Variants in ELFN1 observed in about 807,000 individuals in gnomAD.
The protein encoded by ELFN1 is extracellular leucine rich repeat and fibronectin type III domain containing 1, also known as protein ELFN1.
In ELFN1, 6 loss-of-function variants were observed where a neutral mutation model predicts 7.6. That is an observed-to-expected ratio of 0.79 (90% CI 0.43 to 1.56). ELFN1 has a LOEUF of 1.56. ELFN1 is among the 40% of genes most tolerant of loss of function. The pLI is 0.01. For missense variants in ELFN1, 1,169 were observed against 1,232.2 expected (o/e 0.95, Z 0.77); for synonymous variants, 657 against 588.1 (o/e 1.12, Z -1.70).
chr7:1,719,700 C>G (rs897352564), intron 3 of ELFN1, among the ~76,000 whole-genome samples: 4 of 152,228 alleles, frequency 2.6e-5, no homozygotes, highest in African/African-American at 9.6e-5. Flanking sequence ...ACAACAGGGC[C>G]CAGAGGAATC....
chr7:1,724,141 G>T (rs1780109168), intron 3 of ELFN1, among the ~76,000 whole-genome samples: 2 of 152,210 alleles, frequency 1.3e-5, no homozygotes, highest in Non-Finnish European at 2.9e-5. Flanking sequence ...ACGTCACAGG[G>T]TTACCATAAG....
intron 3 of ELFN1, among the ~76,000 whole-genome samples, chr7:1,737,100 C>G (rs1433171918): frequency 2.0e-5 from 3 of 152,086 alleles, no homozygotes; most frequent in African/African-American, 7.2e-5. Context: ...CTTCATGGCT[C>G]GAACACACCC....
At chr7:1,671,094 C>T (rs1159392505) in intron 1 of ELFN1, among the ~76,000 whole-genome samples, 3 of 152,050 alleles carry the variant, frequency 2.0e-5, no homozygotes, top group Non-Finnish European at 4.4e-5. Flanking sequence ...CCCCCATTTC[C>T]ATCCTTTGAA....
At chr7:1,729,180 G>T (rs923239434) in intron 3 of ELFN1, among the ~76,000 whole-genome samples, 1 of 152,238 alleles carries the variant, frequency 6.6e-6, no homozygotes, top group Non-Finnish European at 1.5e-5. Flanking sequence ...TAGAGCCAGA[G>T]CTTGGCCCCC....
At chr7:1,738,051 G>A (rs932994414) in intron 3 of ELFN1, among the ~76,000 whole-genome samples, 4 of 152,210 alleles carry the variant, frequency 2.6e-5, no homozygotes, top group Admixed American at 6.5e-5. Context: ...GTCCCCGTGC[G>A]ACAAGCAGAC....
chr7:1,693,029 A>G (rs57180888), intron 2 of ELFN1: 3,275 of 280,726 alleles, frequency 0.012, 118 homozygotes, highest in African/African-American at 0.066. Context: ...TGTCTGTAAA[A>G]TGGGCGCAGG....
At chr7:1,706,335 T>C (rs929428550) in intron 2 of ELFN1, among the ~76,000 whole-genome samples, 3 of 152,038 alleles carry the variant, frequency 2.0e-5, no homozygotes, top group Non-Finnish European at 2.9e-5. Flanking sequence ...AGGCAGAGAA[T>C]TGCTTGAACC....
chr7:1,741,827 C>A (rs532667723), intron 3 of ELFN1, among the ~76,000 whole-genome samples: 1 of 152,216 alleles, frequency 6.6e-6, no homozygotes, highest in Admixed American at 6.5e-5. Context: ...CAGCCCCAGA[C>A]GCACCAGAGC....
chr7:1,670,409 C>T lies in ELFN1; in HGVS notation c.-549+55C>T, dbSNP rs1020649562. Among the ~76,000 whole-genome samples the T allele has an allele frequency of 6.6e-6, 1 of 151,724 alleles. No homozygotes were observed. The highest frequency in any genetic ancestry group is 2.4e-5 in the African/African-American group (1 of 41,346). Reference sequence around the variant, plus strand: ...CCTGGGGGACTTGGGACCCGGACCACCCCCGGGGAGCGGCGCGGCCAAGCC... The same window carrying T: ...CCTGGGGGACTTGGGACCCGGACCATCCCCGGGGAGCGGCGCGGCCAAGCC... On this transcript the variant is annotated intron_variant, in intron 1 of 3. Transcript: ENST00000424383. The surrounding 1 kb of genome is among the most constrained non-coding windows in gnomAD (Gnocchi z 6.4).
Position 1,680,265 on chromosome 7 carries a change from A to G in ELFN1, c.-548-7793A>G, listed in dbSNP as rs1254679239. On this transcript the variant is annotated intron_variant, in intron 1 of 3. Coordinates refer to ENST00000424383, the MANE Select transcript of ELFN1 (RefSeq NM_001128636.4). ...GAGGAGTGCCCAAGGCAGATCACGT[A>G]GGGGAACAAATTGTGTGTTTGATTT... 2.0e-5 allele frequency among the ~76,000 whole-genome samples: 3 copies of G among 152,188 alleles called. No individual in the cohort carries two copies. The East Asian group carries it at 5.8e-4, about 29-fold the overall frequency.
intron 1 of ELFN1, among the ~76,000 whole-genome samples, chr7:1,682,872 G>A (rs1053291354): frequency 6.6e-6 from 1 of 152,156 alleles, no homozygotes; most frequent in African/African-American, 2.4e-5. Context: ...AGGTTGAGAA[G>A]TTCTCTGCCA....
chr7:1,745,890 G>A lies in ELFN1; in HGVS notation c.1294G>A (p.Val432Met), dbSNP rs961820215. 5 of 1,590,298 alleles carry A rather than the reference G, an allele frequency of 3.1e-6. No individual in the cohort carries two copies. In the African/African-American group the frequency reaches 6.7e-5, roughly 21 times the overall value. Residue 432 changes from valine to methionine, a missense_variant, in exon 4 of 4, where the codon GTG (valine) becomes ATG (methionine). Physicochemically the swap from Val to Met is conservative, Grantham distance 21. This residue lies in a region of ELFN1 where 914 missense variants were observed against 872.6 expected (regional missense o/e 1.05). Coordinates refer to ENST00000424383, the MANE Select transcript of ELFN1 (RefSeq NM_001128636.4). ...ILGCLFGMVL[V>M]LGAVYYCLRR... ...GGGCTGCCTCTTCGGCATGGTGCTG[G>A]TGCTGGGCGCCGTCTACTACTGCCT...
intron 2 of ELFN1, among the ~76,000 whole-genome samples, chr7:1,702,121 T>C (rs116563825): frequency 6.6e-6 from 1 of 152,130 alleles, no homozygotes; most frequent in Non-Finnish European, 1.5e-5. Context: ...TGTCATTATC[T>C]GATGGAAGAA....
intron 2 of ELFN1, among the ~76,000 whole-genome samples, chr7:1,701,904 T>G (rs183243734): frequency 2.3e-4 from 35 of 152,234 alleles, no homozygotes; most frequent in African/African-American, 8.2e-4. Context: ...AGCTCTGTAA[T>G]CAGCCTGGAG....
intron 3 of ELFN1, among the ~76,000 whole-genome samples, chr7:1,734,797 G>C (rs763883702): frequency 9.2e-5 from 14 of 151,988 alleles, no homozygotes; most frequent in Non-Finnish European, 2.1e-4. Context: ...TCCTGAGCCG[G>C]TGGGATCCTC....
intron 2 of ELFN1, among the ~76,000 whole-genome samples, chr7:1,688,557 G>A (rs758194686): frequency 6.6e-6 from 1 of 152,146 alleles, no homozygotes; most frequent in Non-Finnish European, 1.5e-5. Context: ...TACTAATCCA[G>A]TTGATTTTAC....
chr7:1,741,654 C>G lies in ELFN1; in HGVS notation c.-293-2650C>G, dbSNP rs185948171. Among the ~76,000 whole-genome samples, 61 of 152,278 alleles carry G rather than the reference C, an allele frequency of 4.0e-4. 3 individuals carry two copies. The East Asian group carries it at 0.011, about 28-fold the overall frequency. The stretch of plus-strand genomic sequence containing the variant: ...AAGGGGGAGAGAGTGTGGCACCCAG[C>G]CAGGCCCTGGAGATGTCAGCCACCG... On this transcript the variant is annotated intron_variant, in intron 3 of 3. Transcript: ENST00000424383.
intron 2 of ELFN1, among the ~76,000 whole-genome samples, 168 bp downstream of exon 2, chr7:1,688,318 A>G (rs1415497314): frequency 1.3e-5 from 2 of 152,102 alleles, no homozygotes; most frequent in Non-Finnish European, 2.9e-5. Flanking sequence ...ATGTATTTTA[A>G]TGAGAAGAAG....
chr7:1,678,241 A>G (rs1778909162), intron 1 of ELFN1, among the ~76,000 whole-genome samples: 1 of 152,124 alleles, frequency 6.6e-6, no homozygotes, highest in Non-Finnish European at 1.5e-5. Context: ...AGGTGCACGC[A>G]CACACACACC....
Sources: gnomAD v4.1 joint callset for allele counts (sites outside exome capture counted in the v4.1 genomes callset) on GRCh38, gnomAD v4.1.1 for gene constraint, gnomAD v4.1.1 regional missense constraint, Gnocchi (gnomAD v3.1) non-coding constraint, MANE v1.5 for transcripts, NCBI Gene and HGNC (gene_info 2026-07-23, HGNC 2026-07-21) for gene names.